ZNF483: variants seen among roughly 807,000 people sequenced by gnomAD.
ZNF483 encodes zinc finger protein HIT-10.
ZNF483 carries 9 observed loss-of-function variants against 28.6 expected under a neutral mutation model. The observed-to-expected ratio is 0.32, with a 90% CI of 0.19 to 0.55. The LOEUF (loss-of-function observed/expected upper bound fraction) is 0.55, where lower values mean the gene tolerates loss of function less well. Among genes scored for constraint, ZNF483 ranks in the 20% least tolerant of loss-of-function variants. The probability of loss-of-function intolerance (pLI) is 0.93; values close to 1 mark genes in which losing one functional copy is unlikely to be tolerated. For missense variants in ZNF483, 675 were observed against 871.7 expected (o/e 0.77, Z 2.84); for synonymous variants, 322 against 306.2 (o/e 1.05, Z -0.54).
At chr9:111,565,001 G>A (rs1828491506) in intron 5 of ZNF483, among the ~76,000 whole-genome samples, 2 of 152,060 alleles carry the variant, frequency 1.3e-5, no homozygotes, top group Non-Finnish European at 2.9e-5. Context: ...GCGTGTACCT[G>A]TAATCCCAGC....
Position 111,552,711 on chromosome 9 carries a change from G to A in ZNF483, c.*9541G>A, listed in dbSNP as rs1014612570. Among the ~76,000 whole-genome samples, 5 of 152,152 alleles carry A rather than the reference G, an allele frequency of 3.3e-5. No homozygotes were observed. The highest frequency in any genetic ancestry group is 6.5e-5 in the Admixed American group (1 of 15,270). On this transcript the variant is annotated 3_prime_UTR_variant, in exon 6 of 6. Transcript: ENST00000309235. ...ATATACCCAGAGTTTTCTTTGGGCA[G>A]TGTCTTGTATCAAACAGTTCATCTA... is the stretch of plus-strand genomic sequence containing the variant.
At chr9:111,571,114 A>G (rs538528520) in intron 5 of ZNF483, among the ~76,000 whole-genome samples, 1 of 150,386 alleles carries the variant, frequency 6.6e-6, no homozygotes, top group Non-Finnish European at 1.5e-5. Flanking sequence ...CTCTAGACCT[A>G]CAAGAATAAG....
chr9:111,526,947 A>G (rs539137491), intron 1 of ZNF483, among the ~76,000 whole-genome samples: 1 of 152,208 alleles, frequency 6.6e-6, no homozygotes, highest in African/African-American at 2.4e-5. Flanking sequence ...TAAAAATACA[A>G]AAATTAGCCA....
chr9:111,561,018 G>GAGA, intron 5 of ZNF483, among the ~76,000 whole-genome samples: 4 of 70,886 alleles, frequency 5.6e-5, no homozygotes, highest in African/African-American at 2.0e-4. Context: ...GAGAGAGAGA[G>GAGA]GTGGCAGTGA....
chr9:111,567,409 T>G (rs1828612692), intron 5 of ZNF483, among the ~76,000 whole-genome samples: 1 of 152,120 alleles, frequency 6.6e-6, no homozygotes, highest in Admixed American at 6.5e-5. Flanking sequence ...ATGGTCTCGA[T>G]CTCTTGACCT....
chr9:111,558,459 CT>C (rs1208841244), downstream of ZNF483, among the ~76,000 whole-genome samples: 12 of 152,114 alleles, frequency 7.9e-5, no homozygotes, highest in Non-Finnish European at 2.9e-5. Flanking sequence ...AAGAGGATCT[CT>C]TTAGCCTGGG....
chr9:111,560,636 CAAAAAA>C (rs1015199330), intron 5 of ZNF483, among the ~76,000 whole-genome samples: 1 of 26,296 alleles, frequency 3.8e-5, no homozygotes, highest in Non-Finnish European at 6.8e-5. Context: ...GACACCATCT[CAAAAAA>C]AAAAAAAAAA....
intron 5 of ZNF483, chr9:111,574,921 T>C: frequency 9.0e-7 from 1 of 1,107,264 alleles, no homozygotes. Flanking sequence ...ACAAGCATTA[T>C]TTTACAATAC....
At position 111,547,531 on chromosome 9, in the gene ZNF483, T is replaced by C. The variant is rs775822210; in HGVS notation, c.*4361T>C. Among the ~76,000 whole-genome samples the C allele has an allele frequency of 1.1e-4, 17 of 152,182 alleles. No homozygotes were observed. Among genetic ancestry groups the C allele is most frequent in the Non-Finnish European group, 1.9e-4 (13 of 68,008 alleles). On this transcript the variant is annotated 3_prime_UTR_variant, in exon 6 of 6. Transcript: ENST00000309235. ...TTTAGTTGTAGAAGTTCTTAATATA[T>C]CCAGAATATATAAAGAACTTTTCAG... is the stretch of plus-strand genomic sequence containing the variant.
In ZNF483 at chr9:111,543,376, G is replaced by C; in HGVS notation, c.*206G>C. ...AATTAGTTGGTAAAGTCACTGGAAA[G>C]GGAAGAATGCAAAATGATTCTGAGG... On this transcript the variant is annotated 3_prime_UTR_variant, in exon 6 of 6. Transcript: ENST00000309235. 7.6e-7 allele frequency: 1 copy of C among 1,318,812 alleles called. No individual in the cohort carries two copies. The highest frequency in any genetic ancestry group is 3.0e-5 in the East Asian group (1 of 33,726). The allele number at this position is 1,318,812 out of a possible 1,614,324, so 81.7% of individuals were successfully genotyped here.
Position 111,543,274 on chromosome 9 carries a change from A to G in ZNF483, c.*104A>G. ...TTGATCAGTAGCTGCAGCTTTCGTA[A>G]ATTGGCAGTTAGGAAAAATATCCTT... On this transcript the variant is annotated 3_prime_UTR_variant, in exon 6 of 6. Coordinates refer to ENST00000309235, the MANE Select transcript of ZNF483 (RefSeq NM_133464.5). The G allele has an allele frequency of 4.1e-6, 6 of 1,456,788 alleles. No homozygotes were observed. Among genetic ancestry groups the G allele is most frequent in the Non-Finnish European group, 5.4e-6 (6 of 1,111,444 alleles). The allele number at this position is 1,456,788 out of a possible 1,614,324, so 90.2% of individuals were successfully genotyped here. A position where few individuals can be genotyped will look rare whatever the true frequency, so the allele number is the denominator to read the frequency against.
chr9:111,543,775 T>TA lies in ZNF483; in HGVS notation c.*605_*606insA. The TA allele has an allele frequency of 2.4e-6, 2 of 830,616 alleles. No individual in the cohort carries two copies. Among genetic ancestry groups the TA allele is most frequent in the Non-Finnish European group, 2.9e-6 (2 of 694,254 alleles). 51.5% of individuals were successfully genotyped at this position (830,616 alleles called of 1,614,324 possible). ...TGCTGGACTTCTTTTCTTTTTTTTT[T>TA]CTTTTTTTTTTTTCAATTTTTCTTT... On this transcript the variant is annotated 3_prime_UTR_variant, in exon 6 of 6. Transcript: ENST00000309235.
At chr9:111,540,096 C>T (rs145187074) in intron 5 of ZNF483, among the ~76,000 whole-genome samples, 294 of 152,214 alleles carry the variant, frequency 1.9e-3, no homozygotes, top group Non-Finnish European at 3.6e-3. Context: ...CATGCCACTG[C>T]ACTCCAGCGT....
In ZNF483 at chr9:111,549,813, C is replaced by G. The variant is rs759731304; in HGVS notation, c.*6643C>G. On this transcript the variant is annotated 3_prime_UTR_variant, in exon 6 of 6. Coordinates refer to ENST00000309235, the MANE Select transcript of ZNF483 (RefSeq NM_133464.5). ...TTCTCTTTTGATCTGTCAACACAAT[C>G]AGAACATTTAGCTCTTTGAGCATCT... 6.8e-7 allele frequency: 1 copy of G among 1,480,028 alleles called. No individual in the cohort carries two copies. Among genetic ancestry groups the G allele is most frequent in the Non-Finnish European group, 9.2e-7 (1 of 1,082,786 alleles). The allele number at this position is 1,480,028 out of a possible 1,614,324, so 91.7% of individuals were successfully genotyped here.
rs943691 is a variant in ZNF483 at position 111,550,773 on chromosome 9, A to G, written c.*7603A>G. 6.6e-6 allele frequency among the ~76,000 whole-genome samples: 1 copy of G among 152,102 alleles called. No individual in the cohort carries two copies. Among genetic ancestry groups the G allele is most frequent in the Admixed American group, 6.5e-5 (1 of 15,270 alleles). On this transcript the variant is annotated 3_prime_UTR_variant, in exon 6 of 6. Transcript: ENST00000309235. ...CTCTGCTGTCATATTTTTATTTCCA[A>G]GTGCATTATCTGATTCTTTCTTCCT... is the stretch of plus-strand genomic sequence containing the variant.
At position 111,549,884 on chromosome 9, in the gene ZNF483, C is replaced by T; in HGVS notation, c.*6714C>T. On this transcript the variant is annotated 3_prime_UTR_variant, in exon 6 of 6. Transcript: ENST00000309235. ...TCTGTCTAGTGAGTCAATGTTTGGT[C>T]TTCCTCATGTCCATTTTTTGTTGGT... 1 of 815,178 alleles carries T rather than the reference C, an allele frequency of 1.2e-6. No individual in the cohort carries two copies. Among genetic ancestry groups the T allele is most frequent in the Non-Finnish European group, 2.0e-6 (1 of 503,358 alleles). The allele number at this position is 815,178 out of a possible 1,614,324, so 50.5% of individuals were successfully genotyped here. A position where few individuals can be genotyped will look rare whatever the true frequency, so the allele number is the denominator to read the frequency against.
intron 5 of ZNF483, among the ~76,000 whole-genome samples, chr9:111,561,178 AAAGAG>A (rs1564608253): frequency 1.1e-4 from 11 of 97,104 alleles, no homozygotes; most frequent in South Asian, 2.9e-4. Flanking sequence ...AGAGAGAGAG[AAAGAG>A]AGAGAGATTC....
intron 5 of ZNF483, among the ~76,000 whole-genome samples, chr9:111,568,250 ATAAT>A (rs778811995): frequency 3.9e-5 from 6 of 152,280 alleles, no homozygotes; most frequent in Non-Finnish European, 2.9e-5. Context: ...AGGAATATTA[ATAAT>A]TAATATCCTG....
chr9:111,539,447 A>C (rs1433128522), intron 5 of ZNF483: 1 of 455,756 alleles, frequency 2.2e-6, no homozygotes, highest in East Asian at 7.0e-5. Flanking sequence ...GTTTTTTAGG[A>C]AGTGTGATTT....
Sources: gnomAD v4.1 joint callset for allele counts (sites outside exome capture counted in the v4.1 genomes callset) on GRCh38, gnomAD v4.1.1 for gene constraint, MANE v1.5 for transcripts, NCBI Gene and HGNC (gene_info 2026-07-23, HGNC 2026-07-21) for gene names.